DNAH11: variants seen among roughly 807,000 people sequenced by gnomAD.
DNAH11 encodes axonemal beta dynein heavy chain 11.
A neutral mutation model predicts 526.0 loss-of-function variants in DNAH11; 442 were observed. That is an observed-to-expected ratio of 0.84 (90% CI 0.78 to 0.91). The LOEUF (loss-of-function observed/expected upper bound fraction) is 0.91. Ranked by LOEUF, DNAH11 falls within the 40% of genes least tolerant of loss-of-function variation. The pLI is 0.00. For synonymous variants in DNAH11, 2,461 were observed against 1,935.9 expected, an observed-to-expected ratio of 1.27 and a Z score of -7.12; for missense variants, 6,989 against 5,448.7, an observed-to-expected ratio of 1.28 and a Z score of -8.90.
At chr7:21,798,923 A>T (rs59401878) in intron 61 of DNAH11, among the ~76,000 whole-genome samples, 3,220 of 152,212 alleles carry the variant, frequency 0.021, 117 homozygotes, top group African/African-American at 0.073. Context: ...TTAAATAAAT[A>T]AATTTTTAAA....
chr7:21,644,272 G>A lies in DNAH11; in HGVS notation c.4944+5207G>A, dbSNP rs535192879. ...CCCCACATTCCCACAAGCACAGTGT[G>A]TTTTTATGCAGAGCTTCCATTTGGT... On this transcript the variant is annotated intron_variant, in intron 28 of 81. Coordinates refer to ENST00000409508, the MANE Select transcript of DNAH11 (RefSeq NM_001277115.2). Among the ~76,000 whole-genome samples, 5 of 151,546 alleles carry A rather than the reference G, an allele frequency of 3.3e-5. No individual in the cohort carries two copies. In the East Asian group the frequency reaches 9.8e-4, roughly 30 times the overall value.
chr7:21,646,616 G>A (rs569925817), intron 28 of DNAH11, among the ~76,000 whole-genome samples: 3 of 152,292 alleles, frequency 2.0e-5, no homozygotes, highest in African/African-American at 7.2e-5. Flanking sequence ...AACTACCCAG[G>A]CCTGGGGAAA....
intron 79 of DNAH11, 151 bp from the exon 80 acceptor site, chr7:21,899,185 C>T (rs188920930): frequency 4.5e-6 from 3 of 666,458 alleles, no homozygotes; most frequent in Non-Finnish European, 5.5e-6. Context: ...AGGGACAGTG[C>T]CCTGCAAATT....
At chr7:21,633,520 A>G (rs1583548560) in intron 25 of DNAH11, among the ~76,000 whole-genome samples, 1 of 152,288 alleles carries the variant, frequency 6.6e-6, no homozygotes, top group Non-Finnish European at 1.5e-5. Context: ...TTTAAATCAC[A>G]TTTTTTAAAT....
At chr7:21,768,652 A>G (rs1484317288) in intron 55 of DNAH11, among the ~76,000 whole-genome samples, 2 of 152,204 alleles carry the variant, frequency 1.3e-5, no homozygotes, top group African/African-American at 4.8e-5. Flanking sequence ...GTTATTCCCC[A>G]TGCAACCACC....
chr7:21,634,413 C>T (rs997227199), intron 25 of DNAH11, among the ~76,000 whole-genome samples: 1 of 152,170 alleles, frequency 6.6e-6, no homozygotes, highest in African/African-American at 2.4e-5. Flanking sequence ...AAACAGGATA[C>T]TGTAATGTCA....
At chr7:21,868,616 C>A (rs1783377187) in intron 72 of DNAH11, among the ~76,000 whole-genome samples, 1 of 152,222 alleles carries the variant, frequency 6.6e-6, no homozygotes, top group Non-Finnish European at 1.5e-5. Flanking sequence ...ATCAAAATGT[C>A]AATAGCTTCA....
At chr7:21,702,000 C>T (rs1784082954) in intron 36 of DNAH11, among the ~76,000 whole-genome samples, 2 of 152,086 alleles carry the variant, frequency 1.3e-5, no homozygotes, top group Non-Finnish European at 2.9e-5. Context: ...GTGCAATGTG[C>T]TAGCCCCAAG....
At chr7:21,837,003 A>G (rs1323967901) in intron 65 of DNAH11, among the ~76,000 whole-genome samples, 1 of 152,184 alleles carries the variant, frequency 6.6e-6, no homozygotes, top group Admixed American at 6.5e-5. Context: ...ATTCCACATC[A>G]CTAATTATCA....
At chr7:21,712,840 A>C (rs1484060180) in intron 42 of DNAH11, among the ~76,000 whole-genome samples, 1 of 152,232 alleles carries the variant, frequency 6.6e-6, no homozygotes, top group Non-Finnish European at 1.5e-5. Context: ...AGGCTAATTA[A>C]AAGTTAATTA....
At position 21,900,993 on chromosome 7, in the gene DNAH11, T is replaced by C; in HGVS notation, c.13304-14T>C. 2 of 1,566,794 alleles carry C rather than the reference T, an allele frequency of 1.3e-6. No individual in the cohort carries two copies. The highest frequency in any genetic ancestry group is 1.7e-6 in the Non-Finnish European group (2 of 1,156,992). ...AGCTGCCACACAATTGCAACCGCTG[T>C]GTTTTTGCCATAGGCGCCCGCTGGG... On this transcript the variant is annotated splice_polypyrimidine_tract_variant and intron_variant, in intron 81 of 81. Transcript: ENST00000409508.
chr7:21,659,656 A>T (rs1782161008), intron 30 of DNAH11, among the ~76,000 whole-genome samples: 1 of 152,030 alleles, frequency 6.6e-6, no homozygotes, highest in Non-Finnish European at 1.5e-5. Flanking sequence ...TTTTCAGTGG[A>T]TAAAATCTGA....
chr7:21,769,675 G>C (rs758477967), intron 55 of DNAH11, among the ~76,000 whole-genome samples: 2 of 151,954 alleles, frequency 1.3e-5, no homozygotes, highest in African/African-American at 2.4e-5. Context: ...AGTAGAGACA[G>C]GGTTTCACCA....
At position 21,854,358 on chromosome 7, in the gene DNAH11, G is replaced by A. The variant is rs774855826; in HGVS notation, c.11105G>A (p.Arg3702Gln). 39 of 1,613,558 alleles carry A rather than the reference G, an allele frequency of 2.4e-5. No homozygotes were observed. Among genetic ancestry groups the A allele is most frequent in the Middle Eastern group, 1.6e-4 (1 of 6,084 alleles). ...KENERKINEA[R>Q]ECYRPVAARA... ...AATGAAAGAAAAATCAACGAGGCCC[G>A]AGAATGTTACAGACCAGTGGCAGCA... Residue 3702 changes from arginine (R) to glutamine (Q), a missense_variant, in exon 68 of 82, where the codon CGA (arginine) becomes CAA (glutamine). Physicochemically the swap from Arg to Gln is conservative, Grantham distance 43 (BLOSUM62 1). Coordinates refer to ENST00000409508, the MANE Select transcript of DNAH11 (RefSeq NM_001277115.2).
chr7:21,860,431 A>T (rs1425976690), intron 68 of DNAH11, among the ~76,000 whole-genome samples: 2 of 152,176 alleles, frequency 1.3e-5, no homozygotes, highest in African/African-American at 4.8e-5. Context: ...TGATCAAGCA[A>T]TTCCACTTCT....
chr7:21,698,840 G>A (rs1024539181), intron 36 of DNAH11, among the ~76,000 whole-genome samples: 1 of 152,114 alleles, frequency 6.6e-6, no homozygotes, highest in Non-Finnish European at 1.5e-5. Flanking sequence ...CCAGTAGTGG[G>A]ATTGCTAGAT....
intron 4 of DNAH11, 71 bp from the exon 5 acceptor site, chr7:21,561,000 A>G (rs1037653241): frequency 8.7e-6 from 9 of 1,035,248 alleles, no homozygotes; most frequent in Non-Finnish European, 1.2e-5. Flanking sequence ...TAAATATTTT[A>G]TTACAGAATG....
Position 21,867,898 on chromosome 7 carries a change from G to C in DNAH11, c.11730G>C (p.Glu3910Asp). Residue 3910 changes from glutamate (E) to aspartate (D), a missense_variant, in exon 72 of 82, where the codon GAG becomes GAC. Physicochemically the swap from Glu to Asp is conservative, Grantham distance 45. Transcript: ENST00000409508. Reference sequence around the variant, plus strand: ...AAAAACTGGGTGCGAAGTATGTGGAGAGGACCAGATTGGACTTAGTTAAAG... The same window carrying C: ...AAAAACTGGGTGCGAAGTATGTGGACAGGACCAGATTGGACTTAGTTAAAG... ...VEEKLGAKYV[E>D]RTRLDLVKAF... is the part of the protein sequence containing the mutation. The C allele has an allele frequency of 6.3e-7, 1 of 1,581,250 alleles. No homozygotes were observed. The highest frequency in any genetic ancestry group is 8.6e-7 in the Non-Finnish European group (1 of 1,162,378).
chr7:21,896,640 T>C (rs1260123659), intron 79 of DNAH11, among the ~76,000 whole-genome samples: 1 of 152,272 alleles, frequency 6.6e-6, no homozygotes, highest in Non-Finnish European at 1.5e-5. Flanking sequence ...ATTCTCCTCA[T>C]GTCTACATTT....
Sources: allele counts gnomAD v4.1 joint callset (sites outside exome capture counted in the v4.1 genomes callset), GRCh38; gene constraint gnomAD v4.1.1; transcripts MANE v1.5; gene names NCBI Gene and HGNC (gene_info 2026-07-23, HGNC 2026-07-21).